Variants in ASIC2 observed in about 807,000 individuals in gnomAD.
ASIC2 encodes the protein acid-sensing ion channel 2.
A neutral mutation model predicts 57.3 loss-of-function variants in ASIC2; 25 were observed. The observed-to-expected ratio is 0.44, with a 90% CI of 0.32 to 0.61. The LOEUF is 0.61. Ranked by LOEUF, ASIC2 falls within the 20% of genes least tolerant of loss-of-function variation. ASIC2 has a pLI of 0.06. For missense variants in ASIC2, 641 were observed against 738.1 expected, an observed-to-expected ratio of 0.87 and a Z score of 1.52; for synonymous variants, 319 against 307.5, an observed-to-expected ratio of 1.04 and a Z score of -0.39.
At chr17:33,713,334 T>A (rs1000567258) in intron 1 of ASIC2, among the ~76,000 whole-genome samples, 2 of 152,210 alleles carry the variant, frequency 1.3e-5, no homozygotes, top group Non-Finnish European at 2.9e-5. Context: ...AACTGAAGTT[T>A]CAACAGGATC....
intron 1 of ASIC2, among the ~76,000 whole-genome samples, chr17:33,231,094 G>A (rs1188364662): frequency 1.3e-5 from 2 of 152,104 alleles, no homozygotes; most frequent in Non-Finnish European, 2.9e-5. Context: ...GCTGAGCATC[G>A]AGGTGCAAAG....
rs867053102 is a variant in ASIC2 at position 33,707,861 on chromosome 17, G to T, written c.555+448117C>A. On this transcript the variant is annotated intron_variant, in intron 1 of 9. Coordinates refer to the ASIC2 transcript ENST00000359872. ...GCATGGAGCCATTTTTTTAAAGGAC[G>T]ATCAACTGACACTATCTGTAAGACT... 3.3e-5 allele frequency among the ~76,000 whole-genome samples: 5 copies of T among 152,288 alleles called. No homozygotes were observed. The South Asian group carries it at 1.0e-3, about 32-fold the overall frequency.
chr17:33,043,945 C>T (rs961039226), intron 3 of ASIC2, among the ~76,000 whole-genome samples: 4 of 152,186 alleles, frequency 2.6e-5, no homozygotes, highest in African/African-American at 9.7e-5. Flanking sequence ...AAAAAGTGAA[C>T]TACCCATGGT....
intron 1 of ASIC2, among the ~76,000 whole-genome samples, chr17:33,986,389 C>T (rs1188724920): frequency 6.6e-6 from 1 of 151,990 alleles, no homozygotes; most frequent in Non-Finnish European, 1.5e-5. Context: ...TTTCTTATTT[C>T]TTTTCCAACG....
chr17:34,071,781 G>A (rs981351016), intron 1 of ASIC2: 1 of 151,314 alleles, frequency 6.6e-6, no homozygotes, highest in Non-Finnish European at 1.5e-5. Flanking sequence ...AGTGAGCTGA[G>A]ATGGTGCCAC....
In ASIC2 at chr17:33,256,963, C is replaced by T. The variant is rs376258911; in HGVS notation, c.708+34445G>A. 1.8e-3 allele frequency among the ~76,000 whole-genome samples: 279 copies of T among 152,314 alleles called. 2 individuals carry two copies. Among genetic ancestry groups the T allele is most frequent in the Middle Eastern group, 0.01 (3 of 294 alleles). On this transcript the variant is annotated intron_variant, in intron 1 of 9. Coordinates refer to ENST00000225823, the MANE Select transcript of ASIC2 (RefSeq NM_183377.2). ...GTCAGACTTAAGCCTCCTGAGGAGTCATCTCCCTAGCAGCAGCTCTCCCTA... is the reference window on the plus strand; with the variant it reads ...GTCAGACTTAAGCCTCCTGAGGAGTTATCTCCCTAGCAGCAGCTCTCCCTA...
chr17:33,786,290 A>C (rs1911598549), intron 1 of ASIC2, among the ~76,000 whole-genome samples: 3 of 152,028 alleles, frequency 2.0e-5, no homozygotes, highest in Non-Finnish European at 4.4e-5. Context: ...GATATCTCAG[A>C]CCTCTTCCCT....
intron 1 of ASIC2, among the ~76,000 whole-genome samples, chr17:33,357,258 T>G (rs535864374): frequency 1.3e-5 from 2 of 152,034 alleles, no homozygotes; most frequent in South Asian, 4.2e-4. Flanking sequence ...GCACAGGGGG[T>G]ACAGTTGAGC....
intron 1 of ASIC2, among the ~76,000 whole-genome samples, chr17:33,154,475 G>T (rs924322105): frequency 2.0e-5 from 3 of 152,178 alleles, no homozygotes; most frequent in African/African-American, 4.8e-5. Flanking sequence ...GGGGAGATGG[G>T]TATTATGGTT....
chr17:33,402,933 A>G (rs1910334138), intron 1 of ASIC2, among the ~76,000 whole-genome samples: 2 of 152,226 alleles, frequency 1.3e-5, no homozygotes, highest in South Asian at 4.1e-4. Flanking sequence ...GCCAGTCAGA[A>G]TGGTGATGAT....
chr17:33,402,081 T>A (rs1910305173), intron 1 of ASIC2, among the ~76,000 whole-genome samples: 1 of 152,148 alleles, frequency 6.6e-6, no homozygotes, highest in African/African-American at 2.4e-5. Flanking sequence ...CTTTGGATGT[T>A]TGACTCCTCC....
At chr17:33,150,335 G>A (rs1904732439) in intron 1 of ASIC2, among the ~76,000 whole-genome samples, 1 of 152,094 alleles carries the variant, frequency 6.6e-6, no homozygotes, top group Non-Finnish European at 1.5e-5. Flanking sequence ...TCTTTGGCAC[G>A]GATGCCCTAC....
At chr17:33,699,007 C>T (rs555088724) in intron 1 of ASIC2, among the ~76,000 whole-genome samples, 1 of 152,288 alleles carries the variant, frequency 6.6e-6, no homozygotes, top group East Asian at 1.9e-4. Context: ...CACCGGCTCC[C>T]TGTGCTACTG....
At chr17:33,501,079 A>C (rs963920583) in intron 1 of ASIC2, among the ~76,000 whole-genome samples, 1 of 152,226 alleles carries the variant, frequency 6.6e-6, no homozygotes, top group African/African-American at 2.4e-5. Flanking sequence ...CATGGGTGGC[A>C]TCTGAATCCC....
Position 33,023,955 on chromosome 17 carries a change from G to T in ASIC2, c.1255C>A (p.Arg419Ser). The T allele has an allele frequency of 6.2e-7, 1 of 1,614,170 alleles. No individual in the cohort carries two copies. The highest frequency in any genetic ancestry group is 8.5e-7 in the Non-Finnish European group (1 of 1,180,026). The change falls in exon 6 of 10, where the codon CGC (arginine) becomes AGC (serine). Residue 419 changes from arginine to serine, a missense_variant. Arg to Ser is a moderately radical substitution (Grantham distance 110). This residue lies in a region of ASIC2 where 252 missense variants were observed against 319.8 expected (regional missense o/e 0.79). Transcript: ENST00000225823. ...CLCRTPCNLT[R>S]YNKELSMVKI... is the part of the protein sequence containing the mutation. ...ACCATGGAGAGCTCTTTGTTGTAGCGGGTTAGGTTGCAGGGTGTCCTGCAG... is the reference window on the plus strand; with the variant it reads ...ACCATGGAGAGCTCTTTGTTGTAGCTGGTTAGGTTGCAGGGTGTCCTGCAG...
At chr17:33,724,137 C>G (rs1909471466) in intron 1 of ASIC2, among the ~76,000 whole-genome samples, 1 of 152,080 alleles carries the variant, frequency 6.6e-6, no homozygotes, top group Non-Finnish European at 1.5e-5. Flanking sequence ...AGAGGAAATC[C>G]CTTTCACTCG....
chr17:33,575,928 C>T (rs151189033), intron 1 of ASIC2, among the ~76,000 whole-genome samples: 1 of 152,214 alleles, frequency 6.6e-6, no homozygotes, highest in East Asian at 1.9e-4. Context: ...CAGAGTTTGC[C>T]TGTAATTAGT....
intron 1 of ASIC2, chr17:33,793,522 A>G (rs1466031336): frequency 6.6e-6 from 1 of 152,228 alleles, no homozygotes; most frequent in African/African-American, 2.4e-5. Flanking sequence ...ACTCAAGCCA[A>G]TCTGAGACCA....
At chr17:33,087,329 C>T (rs191060750) in intron 3 of ASIC2, among the ~76,000 whole-genome samples, 1 of 152,140 alleles carries the variant, frequency 6.6e-6, no homozygotes, top group Admixed American at 6.5e-5. Context: ...TTGGATATTC[C>T]CTTTTCTGCT....
Sources: gnomAD v4.1 joint callset for allele counts (sites outside exome capture counted in the v4.1 genomes callset) on GRCh38, gnomAD v4.1.1 for gene constraint, gnomAD v4.1.1 regional missense constraint, MANE v1.5 for transcripts, NCBI Gene and HGNC (gene_info 2026-07-23, HGNC 2026-07-21) for gene names.